Variants in NCOA2 observed in about 807,000 individuals in gnomAD.
NCOA2 encodes the protein nuclear receptor coactivator 2, also known as class E basic helix-loop-helix protein 75.
A neutral mutation model predicts 145.1 loss-of-function variants in NCOA2; 21 were observed. That is an observed-to-expected ratio of 0.14 (90% CI 0.10 to 0.21). The LOEUF is 0.21. NCOA2 is among the 10% of genes least tolerant of loss of function. The probability of loss-of-function intolerance (pLI) is 1.00; values close to 1 mark genes in which losing one functional copy is unlikely to be tolerated. For synonymous variants in NCOA2, 619 were observed against 637.5 expected (o/e 0.97, Z 0.44); for missense variants, 1,472 against 1,837.6 (o/e 0.80, Z 3.64).
At chr8:70,218,357 G>C (rs1249672942) in intron 2 of NCOA2, among the ~76,000 whole-genome samples, 8 of 152,122 alleles carry the variant, frequency 5.3e-5, no homozygotes, top group Admixed American at 5.2e-4. Flanking sequence ...GCTGGTTAGA[G>C]CAATGCAACC....
At chr8:70,223,658 T>G (rs937996045) in intron 2 of NCOA2, among the ~76,000 whole-genome samples, 4 of 152,254 alleles carry the variant, frequency 2.6e-5, no homozygotes, top group Non-Finnish European at 4.4e-5. Context: ...TGGCGTTTTC[T>G]ACGTACTTTA....
the NCOA2 span, among the ~76,000 whole-genome samples, chr8:70,437,688 T>C: frequency 6.6e-6 from 1 of 152,224 alleles, no homozygotes; most frequent in African/African-American, 2.4e-5. Flanking sequence ...TCTAAGCATT[T>C]GAAGACTTAC....
At chr8:70,138,370 C>T in intron 14 of NCOA2, 38 bp from the exon 15 acceptor site, 1 of 1,548,456 alleles carries the variant, frequency 6.5e-7, no homozygotes, top group Non-Finnish European at 8.7e-7. Context: ...CATCTTTAAT[C>T]AAGGAAGCAT....
intron 4 of NCOA2, among the ~76,000 whole-genome samples, chr8:70,195,309 G>A (rs1314793218): frequency 6.6e-6 from 1 of 152,166 alleles, no homozygotes; most frequent in Non-Finnish European, 1.5e-5. Flanking sequence ...GTATAAAAGT[G>A]AATATTTACA....
intron 1 of NCOA2, among the ~76,000 whole-genome samples, chr8:70,365,326 C>T (rs963047731): frequency 1.8e-4 from 27 of 151,860 alleles, no homozygotes; most frequent in Non-Finnish European, 2.9e-4. Context: ...AGCGAGACTC[C>T]GTCTCAAAAA....
intron 1 of NCOA2, among the ~76,000 whole-genome samples, chr8:70,355,768 G>A (rs139109526): frequency 1.3e-5 from 2 of 152,126 alleles, no homozygotes; most frequent in African/African-American, 4.8e-5. Flanking sequence ...AGCTTTTAAG[G>A]CCATGTGCAA....
intron 4 of NCOA2, among the ~76,000 whole-genome samples, chr8:70,183,270 CA>C (rs1470840792): frequency 6.6e-6 from 1 of 152,166 alleles, no homozygotes; most frequent in Non-Finnish European, 1.5e-5. Context: ...TCGAAGTCAT[CA>C]CTTATTCAGA....
At chr8:70,174,170 G>C (rs532111039) in intron 5 of NCOA2, among the ~76,000 whole-genome samples, 2 of 152,094 alleles carry the variant, frequency 1.3e-5, no homozygotes, top group African/African-American at 4.8e-5. Context: ...TAATAAAATA[G>C]AAAAACTGTA....
intron 2 of NCOA2, among the ~76,000 whole-genome samples, chr8:70,278,310 C>G (rs1825616269): frequency 6.6e-6 from 1 of 152,178 alleles, no homozygotes; most frequent in East Asian, 1.9e-4. Context: ...CATTCATCAG[C>G]TGATGGATGT....
intron 4 of NCOA2, among the ~76,000 whole-genome samples, chr8:70,193,058 C>A (rs1816862602): frequency 2.1e-5 from 2 of 94,946 alleles, no homozygotes; most frequent in East Asian, 2.8e-4. Flanking sequence ...CAGAGCGAGA[C>A]TCTATTAAAA....
chr8:70,230,157 C>T (rs763932547), intron 2 of NCOA2, among the ~76,000 whole-genome samples: 1 of 152,128 alleles, frequency 6.6e-6, no homozygotes, highest in East Asian at 1.9e-4. Flanking sequence ...AGCATGGTAG[C>T]GGTCTAAATG....
At chr8:70,374,808 A>AG (rs1811526918) in intron 1 of NCOA2, among the ~76,000 whole-genome samples, 1 of 151,956 alleles carries the variant, frequency 6.6e-6, no homozygotes, top group African/African-American at 2.4e-5. Context: ...AAAAAAAAAA[A>AG]AAAGAAAGAA....
intron 1 of NCOA2, among the ~76,000 whole-genome samples, chr8:70,302,241 A>C (rs1054971957): frequency 6.6e-6 from 1 of 152,206 alleles, no homozygotes; most frequent in Non-Finnish European, 1.5e-5. Flanking sequence ...GTAAAATTCC[A>C]AAGTTTCACT....
At chr8:70,438,050 C>T in the NCOA2 span, among the ~76,000 whole-genome samples, 1 of 152,160 alleles carries the variant, frequency 6.6e-6, no homozygotes, top group Non-Finnish European at 1.5e-5. Context: ...TGATTAGATA[C>T]ATTTTTCATT....
chr8:70,170,610 T>C (rs1410975981), intron 5 of NCOA2, among the ~76,000 whole-genome samples: 1 of 152,174 alleles, frequency 6.6e-6, no homozygotes, highest in African/African-American at 2.4e-5. Context: ...GGGTTTCTTG[T>C]CACAAACTAA....
At chr8:70,157,838 C>T (rs73287306) in intron 10 of NCOA2, among the ~76,000 whole-genome samples, 1 of 152,200 alleles carries the variant, frequency 6.6e-6, no homozygotes, top group African/African-American at 2.4e-5. Flanking sequence ...CCTCACCCCA[C>T]ACCCCTCCAA....
intron 4 of NCOA2, among the ~76,000 whole-genome samples, chr8:70,207,553 A>T (rs1818569948): frequency 6.6e-6 from 1 of 152,218 alleles, no homozygotes; most frequent in African/African-American, 2.4e-5. Context: ...GTGGAAAAAT[A>T]GTTAATCTTC....
chr8:70,121,063 A>C (rs977775226), intron 22 of NCOA2, among the ~76,000 whole-genome samples: 1 of 152,244 alleles, frequency 6.6e-6, no homozygotes, highest in African/African-American at 2.4e-5. Context: ...CAGAAAAAAA[A>C]GATAAATAAA....
At chr8:70,126,775 A>G in intron 19 of NCOA2, 38 bp downstream of exon 19, 2 of 1,546,278 alleles carry the variant, frequency 1.3e-6, no homozygotes, top group Non-Finnish European at 8.9e-7. Context: ...CTGGGGAGAA[A>G]GGACTGGTGA....
Sources: allele counts gnomAD v4.1 joint callset (sites outside exome capture counted in the v4.1 genomes callset), GRCh38; gene constraint gnomAD v4.1.1; transcripts MANE v1.5; gene names NCBI Gene and HGNC (gene_info 2026-07-23, HGNC 2026-07-21).